MEF2D: variants seen among roughly 807,000 people sequenced by gnomAD.
MEF2D encodes the protein myocyte enhancer factor 2D.
Under a neutral mutation model 59.3 loss-of-function variants are expected in MEF2D, and 10 were observed. The observed-to-expected ratio is 0.17, with a 90% confidence interval of 0.10 to 0.29. MEF2D has a LOEUF of 0.29. Ranked by LOEUF, MEF2D falls within the 10% of genes least tolerant of loss-of-function variation. The probability of loss-of-function intolerance (pLI) is 1.00; values close to 1 mark genes in which losing one functional copy is unlikely to be tolerated. For missense variants in MEF2D, 508 were observed against 699.4 expected, an observed-to-expected ratio of 0.73 and a Z score of 3.09; for synonymous variants, 305 against 295.0, an observed-to-expected ratio of 1.03 and a Z score of -0.35.
chr1:156,468,159 C>T lies in MEF2D; in HGVS notation c.1388G>A (p.Arg463His), dbSNP rs774925958. The T allele has an allele frequency of 5.0e-6, 8 of 1,613,768 alleles. No individual in the cohort carries two copies. The highest frequency in any genetic ancestry group is 1.6e-4 in the Middle Eastern group (1 of 6,078). ...GCTGAGACCATCGCCAGGCTCAGGG[C>T]GGGCAGCTGGGAACACAGCTGGAGG... is the stretch of plus-strand genomic sequence containing the variant. ...PPPPAVFPAARPEPGDGLSSP... is the reference protein window; with the variant it reads ...PPPPAVFPAAHPEPGDGLSSP... Residue 463 changes from arginine to histidine, a missense_variant, in exon 11 of 12, where the codon CGC (arginine) becomes CAC (histidine). Physicochemically the swap from Arg to His is conservative, Grantham distance 29 (BLOSUM62 0). Transcript: ENST00000348159. The surrounding 1 kb of genome is among the most constrained non-coding windows in gnomAD (Gnocchi z 4.3).
intron 1 of MEF2D, chr1:156,490,473 G>C (rs1672719739): frequency 1.3e-5 from 2 of 152,270 alleles, no homozygotes; most frequent in Admixed American, 6.5e-5. Flanking sequence ...CTGGGCAGGG[G>C]CTATTTTTAG....
chr1:156,479,447 T>C (rs1024028129), intron 5 of MEF2D, 101 bp from the exon 6 acceptor site: 6 of 1,485,862 alleles, frequency 4.0e-6, no homozygotes, highest in Non-Finnish European at 5.5e-6. Flanking sequence ...GGAAGAGTCA[T>C]ACTCCCTTCC....
Position 156,475,374 on chromosome 1 carries a change from T to C in MEF2D, c.877-137A>G, listed in dbSNP as rs562536666. 42 of 991,232 alleles carry C rather than the reference T, an allele frequency of 4.2e-5. No homozygotes were observed. The African/African-American group carries it at 6.6e-4, about 16-fold the overall frequency. 61.4% of individuals were successfully genotyped at this position (991,232 alleles called of 1,614,324 possible). The stretch of plus-strand genomic sequence containing the variant: ...GCCTTAGCACGGAGGCCCCCACAGA[T>C]ATACAAACACACGTTGGTGCATTCA... On this transcript the variant is annotated intron_variant, in intron 8 of 11. Coordinates refer to ENST00000348159, the MANE Select transcript of MEF2D (RefSeq NM_005920.4).
At chr1:156,481,385 G>T (rs1204668507) in intron 3 of MEF2D, among the ~76,000 whole-genome samples, 2 of 152,160 alleles carry the variant, frequency 1.3e-5, no homozygotes, top group Non-Finnish European at 2.9e-5. Context: ...TCCAGGGGGA[G>T]GTAGGCAGGG....
chr1:156,478,922 C>G (rs982338488), intron 6 of MEF2D, among the ~76,000 whole-genome samples: 1 of 152,108 alleles, frequency 6.6e-6, no homozygotes. Flanking sequence ...GTGTTGAGTG[C>G]CTGCGTGAGT....
At chr1:156,478,359 G>T (rs886559127) in intron 6 of MEF2D, among the ~76,000 whole-genome samples, 1 of 150,268 alleles carries the variant, frequency 6.7e-6, no homozygotes, top group African/African-American at 2.4e-5. Context: ...CTGTTGCCCT[G>T]GAAGTGTGTG....
At chr1:156,488,133 T>C (rs1010493999) in intron 1 of MEF2D, among the ~76,000 whole-genome samples, 1 of 152,182 alleles carries the variant, frequency 6.6e-6, no homozygotes, top group Non-Finnish European at 1.5e-5. Context: ...CCTGACTCCG[T>C]GGACAGGACA....
rs1312118176 is a variant in MEF2D, at chr1:156,500,774, T to G, written c.-427A>C. On this transcript the variant is annotated 5_prime_UTR_variant, in exon 1 of 12. Coordinates refer to ENST00000348159, the MANE Select transcript of MEF2D (RefSeq NM_005920.4). ...CCTCCTTTCGGGCTCCAAAGGTAAC[T>G]CCTCCAGCCCCCGGGAGTCGAGGCC... 1 of 148,572 alleles carries G rather than the reference T, an allele frequency of 6.7e-6. No individual in the cohort carries two copies. The highest frequency in any genetic ancestry group is 1.5e-5 in the Non-Finnish European group (1 of 67,598). 9.2% of individuals were successfully genotyped at this position (148,572 alleles called of 1,614,324 possible).
chr1:156,476,946 T>C, intron 7 of MEF2D, 66 bp downstream of exon 7: 1 of 1,578,938 alleles, frequency 6.3e-7, no homozygotes, highest in Non-Finnish European at 8.7e-7. Flanking sequence ...GCTAGAGGTC[T>C]GCTCTTTCCC....
At chr1:156,480,633 G>T (rs765484426) in intron 4 of MEF2D, 1 of 1,544,672 alleles carries the variant, frequency 6.5e-7, no homozygotes, top group Admixed American at 2.0e-5. Flanking sequence ...TGCTCCATGC[G>T]ACTACTCACG....
At chr1:156,479,848 G>A in intron 4 of MEF2D, 52 bp from the exon 5 acceptor site, 2 of 1,515,386 alleles carry the variant, frequency 1.3e-6, no homozygotes, top group Non-Finnish European at 1.8e-6. Context: ...CCCTTCCATG[G>A]AGTCCACTTT....
chr1:156,486,747 T>A (rs1035724462), intron 1 of MEF2D, among the ~76,000 whole-genome samples: 36 of 152,352 alleles, frequency 2.4e-4, no homozygotes, highest in Admixed American at 1.2e-3. Context: ...TCTATGAGAC[T>A]AAAGTTTCAT....
chr1:156,495,923 C>T (rs1001940442), intron 1 of MEF2D, among the ~76,000 whole-genome samples: 1 of 152,128 alleles, frequency 6.6e-6, no homozygotes, highest in Non-Finnish European at 1.5e-5. Flanking sequence ...AAATATGGTC[C>T]CACCTGGGTG....
chr1:156,493,467 C>G (rs1379094643), intron 1 of MEF2D, among the ~76,000 whole-genome samples: 9 of 152,194 alleles, frequency 5.9e-5, no homozygotes, highest in Non-Finnish European at 1.2e-4. Context: ...CGTGGGCCTG[C>G]TGAGGCGGCC....
chr1:156,497,726 G>A (rs1673212236), intron 1 of MEF2D, among the ~76,000 whole-genome samples: 2 of 152,130 alleles, frequency 1.3e-5, no homozygotes, highest in African/African-American at 2.4e-5. Flanking sequence ...AGGTACTCAG[G>A]TGTGTGGCAA....
intron 1 of MEF2D, among the ~76,000 whole-genome samples, chr1:156,495,795 TTCC>T (rs1175026727): frequency 3.5e-5 from 2 of 57,462 alleles, no homozygotes; most frequent in East Asian, 1.4e-3. Context: ...TCTGCATGGT[TTCC>T]TCGTCTGCTC....
intron 4 of MEF2D, chr1:156,480,605 T>G: frequency 6.6e-7 from 1 of 1,523,952 alleles, no homozygotes; most frequent in Non-Finnish European, 8.8e-7. Context: ...AGCCACACCA[T>G]GCACCACAGG....
At position 156,468,727 on chromosome 1, in the gene MEF2D, C is replaced by T; in HGVS notation, c.1247+53G>A. The stretch of plus-strand genomic sequence containing the variant: ...CAGCTCCCAAGAGGTCCCTCCTCTT[C>T]CCGTTCAATTCTCCCTTCCCACACA... On this transcript the variant is annotated intron_variant, in intron 10 of 11. Transcript: ENST00000348159. This position sits in a 1 kb window ranked among gnomAD's most constrained non-coding sequence, Gnocchi z 4.3. 1 of 1,579,860 alleles carries T rather than the reference C, an allele frequency of 6.3e-7. No homozygotes were observed. Among genetic ancestry groups the T allele is most frequent in the South Asian group, 1.2e-5 (1 of 86,856 alleles).
intron 1 of MEF2D, among the ~76,000 whole-genome samples, chr1:156,498,614 C>G (rs902923890): frequency 6.9e-6 from 1 of 145,392 alleles, no homozygotes; most frequent in African/African-American, 2.5e-5. Context: ...TCCCCCCCTT[C>G]CCCCCAGAGA....
Sources: gnomAD v4.1 joint callset for allele counts (sites outside exome capture counted in the v4.1 genomes callset) on GRCh38, gnomAD v4.1.1 for gene constraint, Gnocchi (gnomAD v3.1) non-coding constraint, MANE v1.5 for transcripts, NCBI Gene and HGNC (gene_info 2026-07-23, HGNC 2026-07-21) for gene names.